AGAP1: variants seen among roughly 807,000 people sequenced by gnomAD.
AGAP1 encodes ArfGAP with GTPase domain, ankyrin repeat and PH domain 1, also known as arf-GAP with GTPase, ANK repeat and PH domain-containing protein 1.
Under a neutral mutation model 105.3 loss-of-function variants are expected in AGAP1, and 29 were observed. The ratio of observed to expected loss-of-function variants is 0.28; its 90% CI spans 0.21 to 0.38. The LOEUF (loss-of-function observed/expected upper bound fraction) is 0.38, where lower values mean the gene tolerates loss of function less well. Among genes scored for constraint, AGAP1 ranks in the 10% least tolerant of loss-of-function variants. The pLI is 1.00. For missense variants in AGAP1, 998 were observed against 1,165.1 expected (o/e 0.86, Z 2.09); for synonymous variants, 509 against 485.9 (o/e 1.05, Z -0.63).
chr2:236,086,881 C>T (rs1331949945), intron 16 of AGAP1, among the ~76,000 whole-genome samples: 1 of 147,388 alleles, frequency 6.8e-6, no homozygotes, highest in Admixed American at 6.8e-5. Flanking sequence ...CTACCTCCCT[C>T]CCTCCAAAAA....
chr2:235,852,892 G>T, intron 9 of AGAP1: 1 of 1,337,356 alleles, frequency 7.5e-7, no homozygotes. Flanking sequence ...CAGATCGGCC[G>T]ATAGCTTGCA....
chr2:235,682,006 C>T lies in AGAP1; in HGVS notation c.164-27173C>T, dbSNP rs566853031. 3.3e-5 allele frequency among the ~76,000 whole-genome samples: 5 copies of T among 151,926 alleles called. No homozygotes were observed. In the South Asian group the frequency reaches 6.3e-4, roughly 19 times the overall value. Reference sequence around the variant, plus strand: ...CTGGGATTACAGGCATCCGCCACCACGCCCAGCTAATTTTTTTTGTATTTT... The same window carrying T: ...CTGGGATTACAGGCATCCGCCACCATGCCCAGCTAATTTTTTTTGTATTTT... On this transcript the variant is annotated intron_variant, in intron 1 of 17. Coordinates refer to ENST00000304032, the MANE Select transcript of AGAP1 (RefSeq NM_001037131.3).
intron 9 of AGAP1, among the ~76,000 whole-genome samples, chr2:235,829,270 A>G (rs1490291946): frequency 2.0e-5 from 3 of 152,228 alleles, no homozygotes; most frequent in African/African-American, 7.2e-5. Context: ...GAGCTGGACC[A>G]CTGTGGCCGT....
intron 5 of AGAP1, among the ~76,000 whole-genome samples, chr2:235,749,103 G>A (rs1199288560): frequency 6.6e-6 from 1 of 152,074 alleles, no homozygotes; most frequent in African/African-American, 2.4e-5. Flanking sequence ...CAGCTACTTG[G>A]GAGCCTGAGG....
chr2:235,810,131 C>G (rs188368514), intron 9 of AGAP1, among the ~76,000 whole-genome samples: 1 of 152,176 alleles, frequency 6.6e-6, no homozygotes, highest in Non-Finnish European at 1.5e-5. Context: ...AAGTGAACCA[C>G]GACCTGAGAC....
intron 12 of AGAP1, among the ~76,000 whole-genome samples, chr2:235,949,634 G>C (rs148870225): frequency 7.2e-4 from 109 of 152,264 alleles, no homozygotes; most frequent in Admixed American, 2.1e-3. Context: ...TGCCTCTTTT[G>C]CATAGTAAGC....
At position 235,746,378 on chromosome 2, in the gene AGAP1, T is replaced by TTTTTC. The variant is rs1559427746; in HGVS notation, c.538+1543_538+1544insCTTTT. Among the ~76,000 whole-genome samples the TTTTTC allele has an allele frequency of 9.9e-3, 158 of 15,946 alleles. 2 individuals carry two copies. Among genetic ancestry groups the TTTTTC allele is most frequent in the Non-Finnish European group, 0.017 (125 of 7,404 alleles). The allele number at this position is 15,946 out of a possible 152,430, so 10.5% of individuals were successfully genotyped here. On this transcript the variant is annotated intron_variant, in intron 5 of 17. Coordinates refer to ENST00000304032, the MANE Select transcript of AGAP1 (RefSeq NM_001037131.3). ...CTTCCTGGAGAGCACCTCCCCCAACTTTTTTTTTTTTTTTTTTTTTTTTTT... is the reference window on the plus strand; with the variant it reads ...CTTCCTGGAGAGCACCTCCCCCAACTTTTTCTTTTTTTTTTTTTTTTTTTTTTTTT...
At chr2:235,768,174 G>A (rs371604294) in intron 6 of AGAP1, among the ~76,000 whole-genome samples, 4 of 151,928 alleles carry the variant, frequency 2.6e-5, no homozygotes, top group Non-Finnish European at 5.9e-5. Context: ...CCAGTTTTTC[G>A]TTTGTTTATT....
Position 235,919,660 on chromosome 2 carries a change from C to A in AGAP1, c.1324+10754C>A, listed in dbSNP as rs148759691. Among the ~76,000 whole-genome samples, 12 of 152,078 alleles carry A rather than the reference C, an allele frequency of 7.9e-5. No homozygotes were observed. Among genetic ancestry groups the A allele is most frequent in the African/African-American group, 2.9e-4 (12 of 41,380 alleles). ...GTAAAATTCAGAGATGACCGGGGAA[C>A]GCTCCCCTCAAAACAGTGTTGTCAA... On this transcript the variant is annotated intron_variant, in intron 11 of 17. Coordinates refer to ENST00000304032, the MANE Select transcript of AGAP1 (RefSeq NM_001037131.3). The surrounding 1 kb of genome is among the most constrained non-coding windows in gnomAD (Gnocchi z 4.1).
intron 1 of AGAP1, among the ~76,000 whole-genome samples, chr2:235,563,716 G>A (rs1944245162): frequency 6.6e-6 from 1 of 152,154 alleles, no homozygotes. Context: ...ACTTTGCTAT[G>A]GCTTGGGAAG....
intron 6 of AGAP1, among the ~76,000 whole-genome samples, chr2:235,764,320 T>G (rs2675137): frequency 0.76 from 115,761 of 151,976 alleles, 44,630 homozygotes; most frequent in East Asian, 0.99. Context: ...CAGAAACCGA[T>G]TTTCAGGGAA....
chr2:235,521,742 A>ATGTATGTG (rs750369759), intron 1 of AGAP1, among the ~76,000 whole-genome samples: 5,531 of 121,536 alleles, frequency 0.046, 152 homozygotes, highest in South Asian at 0.098. Flanking sequence ...TGTTATATAT[A>ATGTATGTG]TGTGTGTGTG....
chr2:235,997,857 T>G (rs2055885617), intron 13 of AGAP1, among the ~76,000 whole-genome samples: 1 of 152,274 alleles, frequency 6.6e-6, no homozygotes, highest in Non-Finnish European at 1.5e-5. Context: ...TACATTTGTT[T>G]ATGGGGTATT....
intron 9 of AGAP1, among the ~76,000 whole-genome samples, chr2:235,814,418 G>C (rs1175993636): frequency 2.0e-5 from 3 of 152,210 alleles, no homozygotes; most frequent in African/African-American, 7.2e-5. Flanking sequence ...AGTTAATGTT[G>C]CCAGAACTTG....
At chr2:235,564,669 TGTGAGCCTGGAC>T (rs1944284050) in intron 1 of AGAP1, among the ~76,000 whole-genome samples, 2 of 130,240 alleles carry the variant, frequency 1.5e-5, no homozygotes, top group South Asian at 5.1e-4. Context: ...CAGGGCCAGG[TGTGAGCCTGGAC>T]CACCACCCAG....
At chr2:235,899,958 T>C (rs532687732) in intron 10 of AGAP1, among the ~76,000 whole-genome samples, 2 of 152,316 alleles carry the variant, frequency 1.3e-5, no homozygotes, top group South Asian at 4.1e-4. Context: ...CATAATTCGA[T>C]TTAGAATTTT....
intron 9 of AGAP1, among the ~76,000 whole-genome samples, chr2:235,876,532 C>T (rs1575671285): frequency 1.3e-5 from 2 of 152,180 alleles, no homozygotes; most frequent in South Asian, 2.1e-4. Flanking sequence ...CTGGCCTGGC[C>T]GCCTTGCCTG....
chr2:235,863,956 G>C (rs1220226089), intron 9 of AGAP1, among the ~76,000 whole-genome samples: 1 of 152,236 alleles, frequency 6.6e-6, no homozygotes, highest in East Asian at 1.9e-4. Context: ...GTATTTAAAA[G>C]TGTGTGTTGG....
chr2:235,713,982 A>T (rs1161093254), intron 2 of AGAP1, among the ~76,000 whole-genome samples: 1 of 151,962 alleles, frequency 6.6e-6, no homozygotes, highest in Non-Finnish European at 1.5e-5. Flanking sequence ...CACCTTGGGG[A>T]TTAGGTTTCT....
Sources: gnomAD v4.1 joint callset for allele counts (sites outside exome capture counted in the v4.1 genomes callset) on GRCh38, gnomAD v4.1.1 for gene constraint, Gnocchi (gnomAD v3.1) non-coding constraint, MANE v1.5 for transcripts, NCBI Gene and HGNC (gene_info 2026-07-23, HGNC 2026-07-21) for gene names.